FAM13C: variants seen among roughly 807,000 people sequenced by gnomAD.
FAM13C encodes the protein family with sequence similarity 13 member C.
In FAM13C, 37 loss-of-function variants were observed where a neutral mutation model predicts 73.2. The observed-to-expected ratio is 0.51, with a 90% CI of 0.39 to 0.67. FAM13C has a LOEUF of 0.67. Ranked by LOEUF, FAM13C falls within the 30% of genes least tolerant of loss-of-function variation. FAM13C has a pLI of 0.00. For synonymous variants in FAM13C, 246 were observed against 260.9 expected, an observed-to-expected ratio of 0.94 and a Z score of 0.55; for missense variants, 589 against 715.6, an observed-to-expected ratio of 0.82 and a Z score of 2.02.
At chr10:59,276,834 T>C (rs919209959) in intron 6 of FAM13C, among the ~76,000 whole-genome samples, 7 of 152,164 alleles carry the variant, frequency 4.6e-5, no homozygotes, top group African/African-American at 1.4e-4. Context: ...AACTGAATGA[T>C]GATTGGGCCA....
intron 4 of FAM13C, 91 bp from the exon 5 acceptor site, chr10:59,302,955 C>A: frequency 1.7e-6 from 2 of 1,168,922 alleles, no homozygotes; most frequent in Non-Finnish European, 1.2e-6. Flanking sequence ...TGGCTGTACC[C>A]CTGATAAAAA....
rs1273680689 is a variant in FAM13C at position 59,247,743 on chromosome 10, A to G, written c.1635-6T>C. The G allele has an allele frequency of 1.2e-6, 2 of 1,607,374 alleles. No individual in the cohort carries two copies. Among genetic ancestry groups the G allele is most frequent in the South Asian group, 2.2e-5 (2 of 89,326 alleles). On this transcript the variant is annotated splice_region_variant and splice_polypyrimidine_tract_variant and intron_variant, in intron 13 of 13. Coordinates refer to ENST00000618804, the MANE Select transcript of FAM13C (RefSeq NM_198215.4). ...TATCTTCCTTTTGTGGACTTCTGCA[A>G]AACAAAAATACATTTGTTAGTTCAC...
chr10:59,301,392 TCAGG>T (rs1440805675), intron 5 of FAM13C: 7 of 152,336 alleles, frequency 4.6e-5, no homozygotes, highest in African/African-American at 1.7e-4. Flanking sequence ...GCTCTTATGC[TCAGG>T]CAATCAGCGC....
chr10:59,257,673 C>T (rs1307087136), intron 10 of FAM13C, among the ~76,000 whole-genome samples: 1 of 152,086 alleles, frequency 6.6e-6, no homozygotes, highest in East Asian at 1.9e-4. Flanking sequence ...GCAAGTCTGA[C>T]CATTTAAATT....
At chr10:59,271,936 C>CAAAACTAACA (rs966569803) in intron 6 of FAM13C, among the ~76,000 whole-genome samples, 1 of 152,012 alleles carries the variant, frequency 6.6e-6, no homozygotes, top group Non-Finnish European at 1.5e-5. Flanking sequence ...GCCCCAGGGT[C>CAAAACTAACA]AAAACTAACA....
chr10:59,288,448 A>C (rs1265841456), intron 5 of FAM13C, among the ~76,000 whole-genome samples: 1 of 152,128 alleles, frequency 6.6e-6, no homozygotes, highest in Non-Finnish European at 1.5e-5. Flanking sequence ...AGCCAAGATC[A>C]TGCCATTGCA....
chr10:59,326,312 G>T (rs1338662033), intron 3 of FAM13C, among the ~76,000 whole-genome samples: 1 of 152,108 alleles, frequency 6.6e-6, no homozygotes, highest in African/African-American at 2.4e-5. Flanking sequence ...GGAAAAGAGT[G>T]GCACTGTCAC....
chr10:59,274,645 C>T (rs531037891), intron 6 of FAM13C, among the ~76,000 whole-genome samples: 124 of 152,326 alleles, frequency 8.1e-4, no homozygotes, highest in African/African-American at 2.9e-3. Flanking sequence ...GAGCCACAGG[C>T]TCAGGAAGAC....
chr10:59,345,997 A>G (rs1854243396), intron 3 of FAM13C, among the ~76,000 whole-genome samples: 1 of 152,218 alleles, frequency 6.6e-6, no homozygotes, highest in Non-Finnish European at 1.5e-5. Context: ...CATAATCAGA[A>G]CCTAAGTCTT....
At chr10:59,256,001 CTTTT>C (rs1292007509) in intron 10 of FAM13C, among the ~76,000 whole-genome samples, 3 of 152,202 alleles carry the variant, frequency 2.0e-5, no homozygotes, top group African/African-American at 7.2e-5. Flanking sequence ...TAGCAATCTT[CTTTT>C]AAGTTCCATA....
chr10:59,357,167 C>T (rs1855829731), intron 1 of FAM13C, among the ~76,000 whole-genome samples: 1 of 152,124 alleles, frequency 6.6e-6, no homozygotes, highest in South Asian at 2.1e-4. Context: ...CATGTGAGTC[C>T]ACTCTCCTAC....
chr10:59,331,464 TGA>T (rs1331095835), intron 3 of FAM13C, among the ~76,000 whole-genome samples: 13 of 152,092 alleles, frequency 8.5e-5, no homozygotes, highest in Non-Finnish European at 1.6e-4. Flanking sequence ...ACCAGGTAGG[TGA>T]GGGACAGGCA....
intron 4 of FAM13C, among the ~76,000 whole-genome samples, chr10:59,321,853 C>A (rs186505944): frequency 5.3e-5 from 8 of 152,090 alleles, no homozygotes; most frequent in Non-Finnish European, 1.0e-4. Flanking sequence ...AGTAAGGTGG[C>A]CTCTTGCTAC....
At chr10:59,293,919 T>G (rs1225745791) in intron 5 of FAM13C, among the ~76,000 whole-genome samples, 3 of 152,110 alleles carry the variant, frequency 2.0e-5, no homozygotes, top group Non-Finnish European at 4.4e-5. Flanking sequence ...TCAGGAAAAA[T>G]TTGGTCTTCA....
chr10:59,340,610 A>G (rs1853367437), intron 3 of FAM13C, among the ~76,000 whole-genome samples: 1 of 152,088 alleles, frequency 6.6e-6, no homozygotes, highest in Admixed American at 6.6e-5. Flanking sequence ...GGAGTGGGGT[A>G]CTCAGAGATA....
At chr10:59,300,200 T>A (rs1207625394) in intron 5 of FAM13C, among the ~76,000 whole-genome samples, 1 of 152,166 alleles carries the variant, frequency 6.6e-6, no homozygotes, top group East Asian at 1.9e-4. Context: ...ACAGAGCAAG[T>A]GGACAAAGAA....
At chr10:59,269,665 A>T (rs1466129226) in intron 7 of FAM13C, among the ~76,000 whole-genome samples, 2 of 152,144 alleles carry the variant, frequency 1.3e-5, no homozygotes, top group Non-Finnish European at 2.9e-5. Context: ...ATGTTCAAAC[A>T]TGTGAGCCGC....
chr10:59,251,647 G>C lies in FAM13C; in HGVS notation c.1562C>G (p.Thr521Ser). Residue 521 changes from threonine (T) to serine (S), a missense_variant, in exon 13 of 14, where the codon ACT becomes AGT. By Grantham distance (58) the Thr-to-Ser change is moderately conservative. Coordinates refer to ENST00000618804, the MANE Select transcript of FAM13C (RefSeq NM_198215.4). ...CCGCAGTCTCTTCTTGTCAGCCCTA[G>C]TTTCTCGGAGATGGTCAAGAAGTAC... ...MPVLLDHLRE[T>S]RADKKRLRKA... 6.2e-7 allele frequency: 1 copy of C among 1,611,912 alleles called. No individual in the cohort carries two copies. The highest frequency in any genetic ancestry group is 1.1e-5 in the South Asian group (1 of 90,724).
At chr10:59,274,238 A>C (rs1183082578) in intron 6 of FAM13C, among the ~76,000 whole-genome samples, 1 of 152,182 alleles carries the variant, frequency 6.6e-6, no homozygotes. Context: ...TGATGGGTTC[A>C]GTTTTAGGTA....
Sources: allele counts gnomAD v4.1 joint callset (sites outside exome capture counted in the v4.1 genomes callset), GRCh38; gene constraint gnomAD v4.1.1; transcripts MANE v1.5; gene names NCBI Gene and HGNC (gene_info 2026-07-23, HGNC 2026-07-21).